PDGFRL: variants seen among roughly 807,000 people sequenced by gnomAD.
The protein encoded by PDGFRL is platelet-derived growth factor receptor-like protein.
PDGFRL carries 46 observed loss-of-function variants against 37.2 expected under a neutral mutation model. The observed-to-expected ratio is 1.24, with a 90% CI of 0.98 to 1.58. The LOEUF is 1.58. Among genes scored for constraint, PDGFRL ranks in the 40% most tolerant of loss-of-function variants. The pLI, the probability that PDGFRL is intolerant of heterozygous loss-of-function variation, is 0.00. For missense variants in PDGFRL, 692 were observed against 467.6 expected (o/e 1.48, Z -4.43); for synonymous variants, 251 against 184.3 (o/e 1.36, Z -2.93).
At chr8:17,613,678 T>C (rs577048084) in intron 2 of PDGFRL, among the ~76,000 whole-genome samples, 1 of 152,220 alleles carries the variant, frequency 6.6e-6, no homozygotes, top group East Asian at 1.9e-4. Context: ...AGGAGTTCGA[T>C]GCCAGCCTGG....
At chr8:17,610,213 C>A (rs546381813) in intron 2 of PDGFRL, among the ~76,000 whole-genome samples, 2 of 152,236 alleles carry the variant, frequency 1.3e-5, no homozygotes, top group African/African-American at 4.8e-5. Flanking sequence ...TGGCTGTGAG[C>A]GTTCAGCTGA....
intron 5 of PDGFRL, among the ~76,000 whole-genome samples, chr8:17,638,722 G>A (rs1182757157): frequency 8.5e-6 from 1 of 117,232 alleles, no homozygotes; most frequent in Admixed American, 1.0e-4. Context: ...AAATTTGGGA[G>A]CTCTGGCATT....
intron 2 of PDGFRL, among the ~76,000 whole-genome samples, chr8:17,598,010 G>C (rs888600824): frequency 6.6e-6 from 1 of 151,906 alleles, no homozygotes; most frequent in African/African-American, 2.4e-5. Flanking sequence ...GTGGCTTTTT[G>C]AGTTTTTACT....
At chr8:17,628,423 C>CTT in intron 3 of PDGFRL, 64 bp from the exon 4 acceptor site, 1 of 1,344,410 alleles carries the variant, frequency 7.4e-7, no homozygotes, top group Non-Finnish European at 1.1e-6. Context: ...TGCCAAAATC[C>CTT]TTAAGGGTGC....
At chr8:17,578,521 C>T (rs1288405878) in intron 1 of PDGFRL, among the ~76,000 whole-genome samples, 1 of 152,186 alleles carries the variant, frequency 6.6e-6, no homozygotes, top group African/African-American at 2.4e-5. Flanking sequence ...GCCATGAGTT[C>T]AGTTTGTAAA....
chr8:17,584,897 A>C (rs1803783473), intron 1 of PDGFRL, among the ~76,000 whole-genome samples: 1 of 152,188 alleles, frequency 6.6e-6, no homozygotes, highest in South Asian at 2.1e-4. Context: ...TGGCTTCTTC[A>C]TAGGCAGAGC....
chr8:17,597,218 G>A (rs577805080), intron 2 of PDGFRL, among the ~76,000 whole-genome samples: 8 of 152,070 alleles, frequency 5.3e-5, no homozygotes, highest in Non-Finnish European at 8.8e-5. Flanking sequence ...ACTGGCTTTC[G>A]GTAAGTTGGC....
At chr8:17,635,891 T>G (rs1481234997) in intron 5 of PDGFRL, among the ~76,000 whole-genome samples, 1 of 152,240 alleles carries the variant, frequency 6.6e-6, no homozygotes, top group Non-Finnish European at 1.5e-5. Context: ...TGAGTACGTT[T>G]TCATATGTTT....
intron 2 of PDGFRL, among the ~76,000 whole-genome samples, chr8:17,592,341 G>T (rs1359275433): frequency 6.6e-6 from 1 of 152,172 alleles, no homozygotes; most frequent in African/African-American, 2.4e-5. Context: ...TCCCCTGTCT[G>T]AGGCGCTCTT....
chr8:17,613,413 G>A (rs1804461533), intron 2 of PDGFRL, among the ~76,000 whole-genome samples: 1 of 152,218 alleles, frequency 6.6e-6, no homozygotes. Flanking sequence ...GCAGGTGACA[G>A]AGGGGAAATG....
intron 2 of PDGFRL, among the ~76,000 whole-genome samples, chr8:17,612,457 G>A (rs144916952): frequency 6.6e-6 from 1 of 151,934 alleles, no homozygotes; most frequent in Non-Finnish European, 1.5e-5. Context: ...CTGCACCTCT[G>A]CCTCCCGGGT....
intron 5 of PDGFRL, among the ~76,000 whole-genome samples, chr8:17,641,934 G>T (rs1007568492): frequency 2.2e-4 from 25 of 111,740 alleles, no homozygotes; most frequent in Non-Finnish European, 3.7e-4. Context: ...ATGAGAAAAG[G>T]TATTCACTTA....
intron 2 of PDGFRL, among the ~76,000 whole-genome samples, chr8:17,607,906 A>G (rs1804317399): frequency 6.6e-6 from 1 of 152,220 alleles, no homozygotes; most frequent in Non-Finnish European, 1.5e-5. Context: ...ATTTATAAAA[A>G]AGCAAAACGA....
intron 1 of PDGFRL, among the ~76,000 whole-genome samples, chr8:17,578,556 A>G (rs968158523): frequency 6.6e-6 from 1 of 152,190 alleles, no homozygotes; most frequent in Non-Finnish European, 1.5e-5. Flanking sequence ...TGCTCCTGGC[A>G]GGCCCTTGTG....
chr8:17,614,985 A>C (rs1172928894), intron 2 of PDGFRL, among the ~76,000 whole-genome samples: 4 of 152,184 alleles, frequency 2.6e-5, no homozygotes, highest in African/African-American at 9.7e-5. Flanking sequence ...CTTATCTCTC[A>C]GGGCTTCATG....
At chr8:17,638,370 A>C (rs979175223) in intron 5 of PDGFRL, among the ~76,000 whole-genome samples, 12 of 152,014 alleles carry the variant, frequency 7.9e-5, no homozygotes, top group African/African-American at 2.9e-4. Flanking sequence ...TGCTTTTGGA[A>C]TTGAGTTCCA....
At chr8:17,609,407 G>A (rs912293403) in intron 2 of PDGFRL, among the ~76,000 whole-genome samples, 2 of 151,560 alleles carry the variant, frequency 1.3e-5, no homozygotes, top group Non-Finnish European at 2.9e-5. Flanking sequence ...CTTGGGAGGC[G>A]CAGGTTGCAG....
intron 3 of PDGFRL, among the ~76,000 whole-genome samples, chr8:17,623,503 T>A (rs564752012): frequency 1.0e-3 from 156 of 152,366 alleles, no homozygotes; most frequent in African/African-American, 3.6e-3. Context: ...TTGCCAAGAT[T>A]AGCACTGTTG....
intron 3 of PDGFRL, 95 bp from the exon 4 acceptor site, chr8:17,628,392 G>A: frequency 1.2e-6 from 1 of 852,330 alleles, no homozygotes; most frequent in South Asian, 1.5e-5. Context: ...TACTCCTAAG[G>A]ACTCAGTATT....
Sources: gnomAD v4.1 joint callset for allele counts (sites outside exome capture counted in the v4.1 genomes callset) on GRCh38, gnomAD v4.1.1 for gene constraint, MANE v1.5 for transcripts, NCBI Gene and HGNC (gene_info 2026-07-23, HGNC 2026-07-21) for gene names.